DPYS: variants seen among roughly 807,000 people sequenced by gnomAD.
The protein encoded by DPYS is dihydropyrimidine amidohydrolase.
Under a neutral mutation model 50.3 loss-of-function variants are expected in DPYS, and 39 were observed. That is an observed-to-expected ratio of 0.78 (90% CI 0.60 to 1.01). The LOEUF (loss-of-function observed/expected upper bound fraction) is 1.01, where lower values mean the gene tolerates loss of function less well. DPYS is among the 50% of genes least tolerant of loss of function. The pLI is 0.00. For missense variants in DPYS, 659 were observed against 680.9 expected, an observed-to-expected ratio of 0.97 and a Z score of 0.36; for synonymous variants, 245 against 250.7, an observed-to-expected ratio of 0.98 and a Z score of 0.22.
intron 1 of DPYS, among the ~76,000 whole-genome samples, chr8:104,463,333 T>C (rs1189406574): frequency 1.3e-5 from 2 of 152,250 alleles, no homozygotes; most frequent in Non-Finnish European, 2.9e-5. Context: ...CCTCTAGCTT[T>C]AGGAAAGTGA....
chr8:104,423,555 C>T (rs566494446), intron 7 of DPYS, among the ~76,000 whole-genome samples: 1 of 152,320 alleles, frequency 6.6e-6, no homozygotes, highest in South Asian at 2.1e-4. Flanking sequence ...AGTGCACATA[C>T]ATACAGATTA....
At chr8:104,389,543 T>TATTA (rs377447824) in intron 8 of DPYS, among the ~76,000 whole-genome samples, 1 of 148,984 alleles carries the variant, frequency 6.7e-6, no homozygotes, top group African/African-American at 2.5e-5. Flanking sequence ...CCTTTTATTT[T>TATTA]TTTTTTTTTG....
chr8:104,461,662 G>A (rs987625471), intron 1 of DPYS, among the ~76,000 whole-genome samples: 6 of 152,182 alleles, frequency 3.9e-5, no homozygotes, highest in African/African-American at 1.4e-4. Flanking sequence ...GAAACTTGAA[G>A]GAGAGGTCAC....
chr8:104,455,975 G>A (rs1335669092), intron 1 of DPYS, among the ~76,000 whole-genome samples: 1 of 152,096 alleles, frequency 6.6e-6, no homozygotes, highest in Non-Finnish European at 1.5e-5. Context: ...CCATAATGGT[G>A]TTTTGATCAA....
chr8:104,384,275 C>A (rs150175479), intron 8 of DPYS, among the ~76,000 whole-genome samples: 1 of 152,210 alleles, frequency 6.6e-6, no homozygotes, highest in African/African-American at 2.4e-5. Flanking sequence ...GCCCTTTTAA[C>A]CTTTTAATAT....
intron 8 of DPYS, among the ~76,000 whole-genome samples, chr8:104,385,034 G>C (rs994911977): frequency 1.3e-5 from 2 of 152,188 alleles, no homozygotes; most frequent in Non-Finnish European, 2.9e-5. Context: ...TAAGACTCAC[G>C]GTTTTAAATC....
chr8:104,434,412 C>T (rs1318532804), intron 4 of DPYS, among the ~76,000 whole-genome samples: 1 of 152,180 alleles, frequency 6.6e-6, no homozygotes, highest in African/African-American at 2.4e-5. Context: ...GTCCAACCCT[C>T]CCTTCCCCGC....
At chr8:104,455,491 T>C (rs1813892465) in intron 1 of DPYS, among the ~76,000 whole-genome samples, 1 of 152,128 alleles carries the variant, frequency 6.6e-6, no homozygotes, top group Admixed American at 6.5e-5. Context: ...AGGAGGAGCA[T>C]GATCTGCACT....
At chr8:104,413,026 A>G (rs751786819) in intron 7 of DPYS, among the ~76,000 whole-genome samples, 9 of 152,216 alleles carry the variant, frequency 5.9e-5, no homozygotes, top group Non-Finnish European at 1.3e-4. Flanking sequence ...AGAAAATGTG[A>G]GAGCATTTCA....
At chr8:104,442,056 A>C (rs925984046) in intron 4 of DPYS, among the ~76,000 whole-genome samples, 1 of 152,256 alleles carries the variant, frequency 6.6e-6, no homozygotes, top group African/African-American at 2.4e-5. Flanking sequence ...AAATAAATTA[A>C]TAAAAATCAT....
rs772410723 is a variant in DPYS at position 104,429,707 on chromosome 8, A to G, written c.794-6T>C. 8 of 1,613,976 alleles carry G rather than the reference A, an allele frequency of 5.0e-6. No homozygotes were observed. Among genetic ancestry groups the G allele is most frequent in the Non-Finnish European group, 6.8e-6 (8 of 1,180,012 alleles). ...TTCACCATAGACCACCTTCCCTGGA[A>G]AGATTAAAAGAAGCATTCATCACTT... On this transcript the variant is annotated splice_region_variant and splice_polypyrimidine_tract_variant and intron_variant, in intron 4 of 9. Coordinates refer to ENST00000351513, the MANE Select transcript of DPYS (RefSeq NM_001385.3).
intron 7 of DPYS, among the ~76,000 whole-genome samples, chr8:104,414,259 T>C (rs1325929230): frequency 6.6e-6 from 1 of 152,212 alleles, no homozygotes; most frequent in African/African-American, 2.4e-5. Context: ...GGGGCGCTAA[T>C]TGGACTTTTT....
intron 7 of DPYS, among the ~76,000 whole-genome samples, chr8:104,404,592 G>T (rs1035430137): frequency 6.6e-6 from 1 of 152,224 alleles, no homozygotes. Flanking sequence ...AGGCTTCCAG[G>T]CATCAAAGGC....
rs528720358 is a variant in DPYS, at chr8:104,438,164, A to G, written c.793+6084T>C. Reference sequence around the variant, plus strand: ...AGGAATCAGTATATCCAACCTCATTATCCCAGAATGACATCTCTACTGCAG... The same window carrying G: ...AGGAATCAGTATATCCAACCTCATTGTCCCAGAATGACATCTCTACTGCAG... On this transcript the variant is annotated intron_variant, in intron 4 of 9. Transcript: ENST00000351513. Among the ~76,000 whole-genome samples the G allele has an allele frequency of 4.6e-5, 7 of 152,336 alleles. No homozygotes were observed. In the South Asian group the frequency reaches 1.5e-3, roughly 32 times the overall value.
At chr8:104,396,226 G>A (rs945828067) in intron 7 of DPYS, among the ~76,000 whole-genome samples, 1 of 152,182 alleles carries the variant, frequency 6.6e-6, no homozygotes, top group African/African-American at 2.4e-5. Flanking sequence ...ATATTGATGG[G>A]AGGGACTCTT....
At chr8:104,397,996 G>C (rs870789) in intron 7 of DPYS, among the ~76,000 whole-genome samples, 102,369 of 152,188 alleles carry the variant, frequency 0.67, 36,011 homozygotes, top group Middle Eastern at 0.82. Context: ...TTGTTGTGCA[G>C]TTTGGGAGAT....
chr8:104,390,970 T>C (rs1412503090), intron 8 of DPYS, among the ~76,000 whole-genome samples: 1 of 152,186 alleles, frequency 6.6e-6, no homozygotes, highest in Non-Finnish European at 1.5e-5. Flanking sequence ...TTCTTATAGT[T>C]ACCACCTACT....
rs1038786166 is a variant in DPYS, at chr8:104,428,131, A to G, written c.951-10T>C. 1.2e-6 allele frequency: 2 copies of G among 1,614,226 alleles called. No homozygotes were observed. Among genetic ancestry groups the G allele is most frequent in the Non-Finnish European group, 1.7e-6 (2 of 1,180,020 alleles). ...TGTGGTTAGATCATCACTGTAAAAG[A>G]AAAAACACGAGAGTGATGGGGTGAG... is the stretch of plus-strand genomic sequence containing the variant. On this transcript the variant is annotated splice_polypyrimidine_tract_variant and intron_variant, in intron 5 of 9. Coordinates refer to ENST00000351513, the MANE Select transcript of DPYS (RefSeq NM_001385.3).
chr8:104,408,757 T>C (rs546450990), intron 7 of DPYS, among the ~76,000 whole-genome samples: 1 of 151,896 alleles, frequency 6.6e-6, no homozygotes, highest in African/African-American at 2.4e-5. Context: ...TCAGACAGAG[T>C]GCCTTTAAAA....
Sources: gnomAD v4.1 joint callset for allele counts (sites outside exome capture counted in the v4.1 genomes callset) on GRCh38, gnomAD v4.1.1 for gene constraint, MANE v1.5 for transcripts, NCBI Gene and HGNC (gene_info 2026-07-23, HGNC 2026-07-21) for gene names.